Variants in NUMB observed in about 807,000 individuals in gnomAD.
NUMB encodes protein numb homolog.
In NUMB, 29 loss-of-function variants were observed where a neutral mutation model predicts 59.7. The observed-to-expected ratio is 0.49, with a 90% CI of 0.36 to 0.66. The LOEUF is 0.66. Among genes scored for constraint, NUMB ranks in the 30% least tolerant of loss-of-function variants. The pLI is 0.00. For synonymous variants in NUMB, 288 were observed against 288.2 expected, an observed-to-expected ratio of 1.00 and a Z score of 0.01; for missense variants, 723 against 822.0, an observed-to-expected ratio of 0.88 and a Z score of 1.47.
chr14:73,389,909 A>G (rs1048067330), intron 2 of NUMB, among the ~76,000 whole-genome samples: 2 of 152,184 alleles, frequency 1.3e-5, no homozygotes, highest in African/African-American at 4.8e-5. Context: ...ATACCAAAAG[A>G]CCACCAAAAG....
chr14:73,391,436 T>C (rs1895848012), intron 2 of NUMB, among the ~76,000 whole-genome samples: 2 of 152,118 alleles, frequency 1.3e-5, no homozygotes, highest in Non-Finnish European at 2.9e-5. Context: ...AAAATCATTT[T>C]CAGTTGCATC....
chr14:73,421,776 C>A (rs965574711), intron 1 of NUMB, among the ~76,000 whole-genome samples: 1 of 152,126 alleles, frequency 6.6e-6, no homozygotes, highest in Admixed American at 6.6e-5. Flanking sequence ...CTGGAAAATT[C>A]GGTGTCTATT....
intron 1 of NUMB, among the ~76,000 whole-genome samples, chr14:73,423,872 A>C (rs1897463266): frequency 6.7e-6 from 1 of 149,308 alleles, no homozygotes; most frequent in Admixed American, 6.7e-5. Flanking sequence ...AGGGTGAGGC[A>C]GGAGAATCGC....
chr14:73,367,348 T>TATATATATATATAGAGAGAGAG (rs1555375287), intron 2 of NUMB, among the ~76,000 whole-genome samples: 8 of 105,326 alleles, frequency 7.6e-5, no homozygotes, highest in African/African-American at 4.0e-4. Flanking sequence ...TATATATATA[T>TATATATATATATAGAGAGAGAG]AGAGAGAGAG....
At chr14:73,413,163 C>A (rs1156689938) in intron 1 of NUMB, among the ~76,000 whole-genome samples, 1 of 151,738 alleles carries the variant, frequency 6.6e-6, no homozygotes, top group Admixed American at 6.6e-5. Flanking sequence ...CGGCTCACTG[C>A]AACCTCTGCC....
chr14:73,393,791 CAAG>C (rs1895977332), intron 2 of NUMB, among the ~76,000 whole-genome samples: 1 of 152,146 alleles, frequency 6.6e-6, no homozygotes, highest in Non-Finnish European at 1.5e-5. Flanking sequence ...CTCTCTGAGC[CAAG>C]AAGAGTCACA....
At chr14:73,357,199 T>TG (rs141282689) in intron 3 of NUMB, 25,146 of 158,700 alleles carry the variant, frequency 0.16, 2,844 homozygotes, top group Non-Finnish European at 0.23. Flanking sequence ...GGTCAGGAGT[T>TG]GGAGACCAGC....
At chr14:73,422,602 T>C (rs1263735870) in intron 1 of NUMB, among the ~76,000 whole-genome samples, 1 of 151,946 alleles carries the variant, frequency 6.6e-6, no homozygotes, top group African/African-American at 2.4e-5. Context: ...GCTTGGCTTC[T>C]AGTGAGGGCC....
Position 73,285,861 on chromosome 14 carries a change from G to T in NUMB, c.655+1249C>A, listed in dbSNP as rs148997217. On this transcript the variant is annotated intron_variant, in intron 9 of 12. Transcript: ENST00000555238. ...GAATCGCTTGAGCCCAGGAGGTGAAGGCGGCAGTCAGCGGAGACTGCGCCA... is the reference window on the plus strand; with the variant it reads ...GAATCGCTTGAGCCCAGGAGGTGAATGCGGCAGTCAGCGGAGACTGCGCCA... 1.0e-3 allele frequency among the ~76,000 whole-genome samples: 154 copies of T among 151,820 alleles called. 1 individual carries two copies. The highest frequency in any genetic ancestry group is 2.2e-3 in the African/African-American group (92 of 41,376).
chr14:73,297,348 T>C (rs1197553224), intron 6 of NUMB, 63 bp from the exon 7 acceptor site: 2 of 1,013,290 alleles, frequency 2.0e-6, no homozygotes, highest in Non-Finnish European at 1.5e-6. Context: ...AAAAATGTCA[T>C]CTTCCACAGA....
intron 6 of NUMB, 32 bp downstream of exon 6, chr14:73,316,358 T>C (rs1334074449): frequency 1.2e-6 from 2 of 1,606,146 alleles, no homozygotes; most frequent in Middle Eastern, 1.6e-4. Context: ...TAACTCCTTA[T>C]AAAGCAAGCA....
intron 6 of NUMB, among the ~76,000 whole-genome samples, chr14:73,299,531 G>GTATA (rs145115105): frequency 7.0e-6 from 1 of 142,114 alleles, no homozygotes; most frequent in Non-Finnish European, 1.5e-5. Flanking sequence ...TAGATAATAT[G>GTATA]TATATATATG....
At chr14:73,371,016 C>T (rs1305203391) in intron 2 of NUMB, among the ~76,000 whole-genome samples, 3 of 102,554 alleles carry the variant, frequency 2.9e-5, no homozygotes, top group East Asian at 6.2e-4. Context: ...CCAGGCTGAT[C>T]TTGAACTCCT....
chr14:73,305,395 ATTTTC>A (rs776576371), intron 6 of NUMB, among the ~76,000 whole-genome samples: 1 of 151,320 alleles, frequency 6.6e-6, no homozygotes, highest in Non-Finnish European at 1.5e-5. Context: ...CCCCGAATTC[ATTTTC>A]TTTTTTTTTT....
At chr14:73,416,644 C>T (rs1897138379) in intron 1 of NUMB, among the ~76,000 whole-genome samples, 1 of 152,016 alleles carries the variant, frequency 6.6e-6, no homozygotes, top group Non-Finnish European at 1.5e-5. Context: ...AGTACTAGAC[C>T]AGCTTGGCCA....
chr14:73,428,307 T>C (rs1897673445), intron 1 of NUMB, among the ~76,000 whole-genome samples: 1 of 152,130 alleles, frequency 6.6e-6, no homozygotes, highest in Non-Finnish European at 1.5e-5. Context: ...CCTTTATCTG[T>C]TTAAAAAAAG....
At chr14:73,355,402 G>T (rs1370749966) in intron 4 of NUMB, among the ~76,000 whole-genome samples, 2 of 152,006 alleles carry the variant, frequency 1.3e-5, no homozygotes, top group Non-Finnish European at 2.9e-5. Context: ...ATTATATAGA[G>T]AAATTCATAT....
At chr14:73,351,098 C>T (rs1033355811) in intron 4 of NUMB, among the ~76,000 whole-genome samples, 5 of 152,130 alleles carry the variant, frequency 3.3e-5, no homozygotes, top group Admixed American at 1.3e-4. Flanking sequence ...CACTAAAAGC[C>T]CAGACTTCAC....
chr14:73,404,369 G>A (rs73310910), intron 2 of NUMB, among the ~76,000 whole-genome samples: 9,256 of 151,914 alleles, frequency 0.061, 723 homozygotes, highest in African/African-American at 0.17. Flanking sequence ...CAGGGTCTTG[G>A]GGTTACAGGA....
Sources: allele counts gnomAD v4.1 joint callset (sites outside exome capture counted in the v4.1 genomes callset), GRCh38; gene constraint gnomAD v4.1.1; transcripts MANE v1.5; gene names NCBI Gene and HGNC (gene_info 2026-07-23, HGNC 2026-07-21).